Variants in WAPL observed in about 807,000 individuals in gnomAD.
WAPL encodes WAPL cohesin release factor.
A neutral mutation model predicts 121.0 loss-of-function variants in WAPL; 5 were observed. The ratio of observed to expected loss-of-function variants is 0.04; its 90% CI spans 0.02 to 0.09. WAPL has a LOEUF of 0.09. Ranked by LOEUF, WAPL falls within the 10% of genes least tolerant of loss-of-function variation. The pLI, the probability that WAPL is intolerant of heterozygous loss-of-function variation, is 1.00. For synonymous variants in WAPL, 480 were observed against 481.5 expected (o/e 1.00, Z 0.04); for missense variants, 999 against 1,410.8 (o/e 0.71, Z 4.68).
chr10:86,458,193 G>A (rs1304524155), intron 12 of WAPL, among the ~76,000 whole-genome samples: 1 of 152,202 alleles, frequency 6.6e-6, no homozygotes, highest in Non-Finnish European at 1.5e-5. Flanking sequence ...GCGATTTGGA[G>A]AAAGTTAACT....
At chr10:86,469,720 GC>G (rs1458951628) in intron 8 of WAPL, among the ~76,000 whole-genome samples, 2 of 152,082 alleles carry the variant, frequency 1.3e-5, no homozygotes, top group African/African-American at 4.8e-5. Context: ...TAAACTTTGA[GC>G]CCCCAGAAGT....
At chr10:86,491,418 C>T (rs535704435) in intron 4 of WAPL, among the ~76,000 whole-genome samples, 1 of 152,000 alleles carries the variant, frequency 6.6e-6, no homozygotes, top group Non-Finnish European at 1.5e-5. Flanking sequence ...GGATTACAGG[C>T]GTGAGCCACC....
intron 2 of WAPL, among the ~76,000 whole-genome samples, chr10:86,512,433 T>G (rs914508319): frequency 2.0e-5 from 3 of 152,248 alleles, no homozygotes; most frequent in African/African-American, 7.2e-5. Context: ...TTGCACACTT[T>G]ATTCTAGAGT....
chr10:86,472,410 A>G lies in WAPL; in HGVS notation c.1894-66T>C. On this transcript the variant is annotated intron_variant, in intron 6 of 18. Transcript: ENST00000298767. The surrounding 1 kb of genome is among the most constrained non-coding windows in gnomAD (Gnocchi z 4.2). ...CTAGCATATTTAAATCTATGGGCTC[A>G]CTGTACTTTACATAAGTGCATAAAA... is the stretch of plus-strand genomic sequence containing the variant. The G allele has an allele frequency of 6.4e-7, 1 of 1,558,544 alleles. No homozygotes were observed. Among genetic ancestry groups the G allele is most frequent in the East Asian group, 2.3e-5 (1 of 44,038 alleles).
chr10:86,517,614 T>A lies in WAPL; in HGVS notation c.456A>T (p.Glu152Asp). ...GKEKSTNRIV[E>D]DDASISSCNK... ...TACAGCTACTTATGCTTGCATCATC[T>A]TCTACAATTCGGTTTGTGCTCTTTT... The change falls in exon 2 of 19, where the codon GAA becomes GAT. Residue 152 changes from glutamate (E) to aspartate (D), a missense_variant. By Grantham distance (45) the Glu-to-Asp change is conservative. This residue lies in a region of WAPL where 531 missense variants were observed against 563.1 expected (regional missense o/e 0.94). Coordinates refer to ENST00000298767, the MANE Select transcript of WAPL (RefSeq NM_015045.5). The A allele has an allele frequency of 1.2e-6, 2 of 1,613,920 alleles. No individual in the cohort carries two copies. The highest frequency in any genetic ancestry group is 1.3e-5 in the African/African-American group (1 of 75,068).
At chr10:86,488,586 G>C (rs1009250517) in intron 4 of WAPL, 1 of 152,148 alleles carries the variant, frequency 6.6e-6, no homozygotes, top group Non-Finnish European at 1.5e-5. Flanking sequence ...AAAATAGTGG[G>C]ACACATCAAA....
rs1023056000 is a variant in WAPL at position 86,467,226 on chromosome 10, A to G, written c.2370+53T>C. The G allele has an allele frequency of 5.2e-6, 8 of 1,551,542 alleles. No individual in the cohort carries two copies. The African/African-American group carries it at 9.6e-5, about 19-fold the overall frequency. On this transcript the variant is annotated intron_variant, in intron 9 of 18. Transcript: ENST00000298767. Reference sequence around the variant, plus strand: ...AGTCACACAGCTACTGCAACTAACCAAAGACTTTCTGAAAGTAATTCTCAT... The same window carrying G: ...AGTCACACAGCTACTGCAACTAACCGAAGACTTTCTGAAAGTAATTCTCAT...
intron 12 of WAPL, among the ~76,000 whole-genome samples, chr10:86,454,962 G>A (rs1356902403): frequency 2.7e-5 from 4 of 150,534 alleles, no homozygotes; most frequent in Admixed American, 6.6e-5. Flanking sequence ...CCGCCCGGCA[G>A]CCGCCCGGTC....
chr10:86,483,658 T>C (rs924089939), intron 4 of WAPL, among the ~76,000 whole-genome samples: 4 of 151,590 alleles, frequency 2.6e-5, no homozygotes, highest in African/African-American at 4.9e-5. Flanking sequence ...GCTCCACGTA[T>C]GTTAGTGCCC....
intron 12 of WAPL, among the ~76,000 whole-genome samples, chr10:86,458,283 G>A (rs1466496269): frequency 6.6e-6 from 1 of 152,240 alleles, no homozygotes; most frequent in Non-Finnish European, 1.5e-5. Flanking sequence ...ATATCAGGAA[G>A]AGGTTGCTGT....
chr10:86,454,801 CG>C (rs997292421), intron 12 of WAPL, among the ~76,000 whole-genome samples: 2 of 149,956 alleles, frequency 1.3e-5, no homozygotes, highest in African/African-American at 4.9e-5. Context: ...CGTCTCTGCC[CG>C]GCCGCCCATC....
Position 86,472,607 on chromosome 10 carries a change from C to T in WAPL, c.1893+5G>A. 1 of 1,612,760 alleles carries T rather than the reference C, an allele frequency of 6.2e-7. No homozygotes were observed. On this transcript the variant is annotated splice_donor_5th_base_variant and intron_variant, in intron 6 of 18. Coordinates refer to ENST00000298767, the MANE Select transcript of WAPL (RefSeq NM_015045.5). This position sits in a 1 kb window ranked among gnomAD's most constrained non-coding sequence, Gnocchi z 4.2. ...ATGCAGTAAACACTGTATATGGCTGCTTACTTCTTTGTCTTCTCGTCTGCA... is the reference window on the plus strand; with the variant it reads ...ATGCAGTAAACACTGTATATGGCTGTTTACTTCTTTGTCTTCTCGTCTGCA...
chr10:86,440,472 T>C (rs1016564204), intron 17 of WAPL, among the ~76,000 whole-genome samples: 30 of 151,960 alleles, frequency 2.0e-4, no homozygotes, highest in African/African-American at 7.0e-4. Flanking sequence ...TTTGTATTTT[T>C]AGTAGAGACG....
At chr10:86,483,596 C>T (rs1379211281) in intron 4 of WAPL, among the ~76,000 whole-genome samples, 1 of 151,782 alleles carries the variant, frequency 6.6e-6, no homozygotes, top group Non-Finnish European at 1.5e-5. Flanking sequence ...CCGCTTCAGA[C>T]AGGTACTTCA....
At chr10:86,457,824 G>A (rs1394590662) in intron 12 of WAPL, among the ~76,000 whole-genome samples, 4 of 152,146 alleles carry the variant, frequency 2.6e-5, no homozygotes, top group Admixed American at 2.6e-4. Flanking sequence ...CTAATAATGT[G>A]TGGCATGAAA....
chr10:86,475,955 A>T (rs2132196643), intron 4 of WAPL, among the ~76,000 whole-genome samples: 1 of 152,356 alleles, frequency 6.6e-6, no homozygotes, highest in Non-Finnish European at 1.5e-5. Flanking sequence ...CCGAGGCAGG[A>T]AGCAGATCAC....
At chr10:86,452,283 GAAAAAAAGA>G (rs980534791) in intron 14 of WAPL, 152 bp from the exon 15 acceptor site, 47 of 332,248 alleles carry the variant, frequency 1.4e-4, no homozygotes, top group East Asian at 1.0e-3. Context: ...AGGCCAAAAA[GAAAAAAAGA>G]AAAAAAAAAA....
At chr10:86,452,571 A>G (rs1245434577) in intron 14 of WAPL, among the ~76,000 whole-genome samples, 2 of 152,142 alleles carry the variant, frequency 1.3e-5, no homozygotes, top group Admixed American at 6.5e-5. Context: ...CAGCCTGGGC[A>G]AGAGAGTGAG....
chr10:86,515,094 T>C (rs1317010787), intron 2 of WAPL, among the ~76,000 whole-genome samples: 1 of 151,844 alleles, frequency 6.6e-6, no homozygotes, highest in East Asian at 1.9e-4. Context: ...ACGCCGTCTC[T>C]ACTAAAAATA....
Sources: gnomAD v4.1 joint callset for allele counts (sites outside exome capture counted in the v4.1 genomes callset) on GRCh38, gnomAD v4.1.1 for gene constraint, gnomAD v4.1.1 regional missense constraint, Gnocchi (gnomAD v3.1) non-coding constraint, MANE v1.5 for transcripts, NCBI Gene and HGNC (gene_info 2026-07-23, HGNC 2026-07-21) for gene names.